The following IL1RAPL2 variants were observed in gnomAD, a reference collection of about 807,000 sequenced individuals.
IL1RAPL2 encodes the protein interleukin 1 receptor accessory protein like 2, also known as X-linked interleukin-1 receptor accessory protein-like 2.
In IL1RAPL2, 3 loss-of-function variants were observed where a neutral mutation model predicts 44.1. That is an observed-to-expected ratio of 0.07 (90% CI 0.03 to 0.18). The LOEUF (loss-of-function observed/expected upper bound fraction) is 0.18, where lower values mean the gene tolerates loss of function less well. Among genes scored for constraint, IL1RAPL2 ranks in the 10% least tolerant of loss-of-function variants. The pLI is 1.00. For synonymous variants in IL1RAPL2, 181 were observed against 178.8 expected (o/e 1.01, Z -0.10); for missense variants, 391 against 496.4 (o/e 0.79, Z 2.02).
At chrX:104,888,612 GA>G (rs1923326686) in intron 2 of IL1RAPL2, among the ~76,000 whole-genome samples, 2 of 110,114 alleles carry the variant, frequency 1.8e-5, no homozygotes, top group African/African-American at 6.6e-5. Flanking sequence ...ACCTCTACAA[GA>G]CTCTCAACCT....
rs755755218 is a variant in IL1RAPL2 at position 104,683,566 on chromosome X, A to G, written c.82+24571A>G. 3.6e-5 allele frequency among the ~76,000 whole-genome samples: 4 copies of G among 112,304 alleles called. No homozygotes were observed. The East Asian group carries it at 1.1e-3, about 31-fold the overall frequency. On this transcript the variant is annotated intron_variant, in intron 2 of 10. Transcript: ENST00000372582. ...GTGAAATATTTTGTTTGAAAACCATATGCACTGACATGGTGAGAGTGCATA... is the reference window on the plus strand; with the variant it reads ...GTGAAATATTTTGTTTGAAAACCATGTGCACTGACATGGTGAGAGTGCATA...
At chrX:105,611,577 T>C (rs952944061) in intron 6 of IL1RAPL2, among the ~76,000 whole-genome samples, 4 of 112,267 alleles carry the variant, frequency 3.6e-5, no homozygotes, top group Non-Finnish European at 1.9e-5. Flanking sequence ...TACAGTAATA[T>C]GCTGTATAGG....
intron 2 of IL1RAPL2, among the ~76,000 whole-genome samples, chrX:105,167,793 A>G (rs112128431): frequency 3.6e-5 from 4 of 110,352 alleles, no homozygotes; most frequent in African/African-American, 1.3e-4. Context: ...TATAGTTGTT[A>G]TTATTATCAG....
chrX:105,006,227 G>T (rs887119262), intron 2 of IL1RAPL2, among the ~76,000 whole-genome samples: 1 of 110,112 alleles, frequency 9.1e-6, no homozygotes, highest in Non-Finnish European at 1.9e-5. Flanking sequence ...TATTTGTGTT[G>T]CTCTTACTTT....
At position 105,227,070 on chromosome X, in the gene IL1RAPL2, G is replaced by A. The variant is rs910762798; in HGVS notation, c.357-6748G>A. The stretch of plus-strand genomic sequence containing the variant: ...GGAACATCACACTCTGGGGACTGTT[G>A]TGGGGTGGGGGGAGGGGGGAGGGAT... On this transcript the variant is annotated intron_variant, in intron 3 of 10. Coordinates refer to ENST00000372582, the MANE Select transcript of IL1RAPL2 (RefSeq NM_017416.2). 1.8e-4 allele frequency among the ~76,000 whole-genome samples: 14 copies of A among 77,921 alleles called. 1 individual carries two copies. Among genetic ancestry groups the A allele is most frequent in the African/African-American group, 6.5e-4 (13 of 20,136 alleles). The allele number at this position is 77,921 out of a possible 115,157, so 67.7% of individuals were successfully genotyped here.
At chrX:105,385,018 AT>A (rs1397255095) in intron 5 of IL1RAPL2, among the ~76,000 whole-genome samples, 1 of 110,670 alleles carries the variant, frequency 9.0e-6, no homozygotes, top group African/African-American at 3.3e-5. Flanking sequence ...GTCTTTAGGG[AT>A]TTTTTTTAAT....
chrX:104,749,909 G>A (rs1932230132), intron 2 of IL1RAPL2, among the ~76,000 whole-genome samples: 1 of 111,875 alleles, frequency 8.9e-6, no homozygotes, highest in African/African-American at 3.2e-5. Flanking sequence ...TGGGCCTTGG[G>A]ACATACAACC....
chrX:104,925,157 T>C (rs1429351218), intron 2 of IL1RAPL2, among the ~76,000 whole-genome samples: 1 of 63,074 alleles, frequency 1.6e-5, no homozygotes, highest in Non-Finnish European at 3.1e-5. Context: ...CAGTGAGAAA[T>C]AAAAATCCTA....
At chrX:105,474,894 C>T (rs1360523720) in intron 5 of IL1RAPL2, among the ~76,000 whole-genome samples, 1 of 109,723 alleles carries the variant, frequency 9.1e-6, no homozygotes, top group Admixed American at 9.8e-5. Context: ...AAAAAAAACA[C>T]GGAAGAAATA....
chrX:104,964,627 A>G (rs1569352514), intron 2 of IL1RAPL2, among the ~76,000 whole-genome samples: 2 of 110,135 alleles, frequency 1.8e-5, no homozygotes, highest in East Asian at 2.9e-4. Context: ...TTTCTTATGT[A>G]CCCAAGAAAA....
chrX:105,666,884 G>A (rs1456097442), intron 6 of IL1RAPL2, among the ~76,000 whole-genome samples: 1 of 111,724 alleles, frequency 9.0e-6, no homozygotes, highest in Non-Finnish European at 1.9e-5. Context: ...AAACCTCCCT[G>A]ACTGCACGTC....
At chrX:104,756,170 A>G (rs920945233) in intron 2 of IL1RAPL2, among the ~76,000 whole-genome samples, 5 of 111,158 alleles carry the variant, frequency 4.5e-5, no homozygotes, top group African/African-American at 1.6e-4. Flanking sequence ...ATGATTGTAG[A>G]TTTTTATTAT....
At chrX:105,346,071 T>C (rs1199668672) in intron 5 of IL1RAPL2, among the ~76,000 whole-genome samples, 1 of 111,392 alleles carries the variant, frequency 9.0e-6, no homozygotes, top group Non-Finnish European at 1.9e-5. Flanking sequence ...CCTTTACTTA[T>C]GTAGTGCTGT....
chrX:105,075,589 A>G (rs1304387504), intron 2 of IL1RAPL2, among the ~76,000 whole-genome samples: 4 of 111,626 alleles, frequency 3.6e-5, no homozygotes, highest in South Asian at 3.7e-4. Context: ...CTCTTTTTCT[A>G]TTGATTGGAA....
intron 6 of IL1RAPL2, among the ~76,000 whole-genome samples, chrX:105,696,253 CAT>C (rs745858703): frequency 1.3e-4 from 15 of 111,884 alleles, no homozygotes; most frequent in East Asian, 8.6e-4. Context: ...AATTTTGAGA[CAT>C]GTGGCGCTTT....
chrX:105,172,159 C>T lies in IL1RAPL2; in HGVS notation c.83-23316C>T, dbSNP rs149626123. Among the ~76,000 whole-genome samples, 540 of 112,217 alleles carry T rather than the reference C, an allele frequency of 4.8e-3. 6 individuals carry two copies. Among genetic ancestry groups the T allele is most frequent in the African/African-American group, 0.016 (495 of 30,857 alleles). On this transcript the variant is annotated intron_variant, in intron 2 of 10. Transcript: ENST00000372582. ...GAGGCTGAGAACATTATGGACAAAA[C>T]GAATCATCCTCCTGAATGGATGAGG...
At position 105,132,749 on chromosome X, in the gene IL1RAPL2, A is replaced by C. The variant is rs183008970; in HGVS notation, c.83-62726A>C. On this transcript the variant is annotated intron_variant, in intron 2 of 10. Transcript: ENST00000372582. ...CTGAGTCTATTTACCAGAAGAGATTATGTTGTTTCTTCTATTCTTTATATT... is the reference window on the plus strand; with the variant it reads ...CTGAGTCTATTTACCAGAAGAGATTCTGTTGTTTCTTCTATTCTTTATATT... Among the ~76,000 whole-genome samples, 3 of 111,929 alleles carry C rather than the reference A, an allele frequency of 2.7e-5. No individual in the cohort carries two copies. In the Admixed American group the frequency reaches 2.8e-4, roughly 11 times the overall value.
intron 2 of IL1RAPL2, among the ~76,000 whole-genome samples, chrX:104,947,178 A>G (rs1328030445): frequency 8.9e-6 from 1 of 111,964 alleles, no homozygotes; most frequent in Non-Finnish European, 1.9e-5. Context: ...GATGATGAGC[A>G]TGTTTTCATG....
At chrX:104,823,041 T>C (rs1159089761) in intron 2 of IL1RAPL2, among the ~76,000 whole-genome samples, 1 of 111,846 alleles carries the variant, frequency 8.9e-6, no homozygotes, top group Admixed American at 9.5e-5. Context: ...AGTTCATTCA[T>C]GATTTCACTC....
Sources: gnomAD v4.1 joint callset for allele counts (sites outside exome capture counted in the v4.1 genomes callset) on GRCh38, gnomAD v4.1.1 for gene constraint, MANE v1.5 for transcripts, NCBI Gene and HGNC (gene_info 2026-07-23, HGNC 2026-07-21) for gene names.